Variants in HAVCR1 observed in about 807,000 individuals in gnomAD.
HAVCR1 encodes the protein T cell immunoglobin domain and mucin domain protein 1.
A neutral mutation model predicts 32.0 loss-of-function variants in HAVCR1; 34 were observed. The ratio of observed to expected loss-of-function variants is 1.06; its 90% CI spans 0.81 to 1.42. The LOEUF (loss-of-function observed/expected upper bound fraction) is 1.42, where lower values mean the gene tolerates loss of function less well. HAVCR1 is among the 40% of genes most tolerant of loss of function. The pLI is 0.00. For synonymous variants in HAVCR1, 178 were observed against 170.3 expected (o/e 1.05, Z -0.35); for missense variants, 420 against 442.3 (o/e 0.95, Z 0.45).
chr5:157,061,246 A>G (rs1248002773), upstream of HAVCR1, among the ~76,000 whole-genome samples: 1 of 152,138 alleles, frequency 6.6e-6, no homozygotes, highest in Non-Finnish European at 1.5e-5. Flanking sequence ...AGATTGCTTG[A>G]GCCCAGGAGA....
At chr5:157,062,405 T>C (rs892325218), upstream of HAVCR1, among the ~76,000 whole-genome samples, 12 of 152,110 alleles carry the variant, frequency 7.9e-5, no homozygotes, top group African/African-American at 2.4e-4. Flanking sequence ...AAGAAAATAA[T>C]TCACTGTTCT....
At chr5:157,051,335 T>A (rs1453775464) in intron 4 of HAVCR1, among the ~76,000 whole-genome samples, 1 of 152,120 alleles carries the variant, frequency 6.6e-6, no homozygotes, top group Non-Finnish European at 1.5e-5. Context: ...AATGTGTAAG[T>A]CATTGACTAC....
At chr5:157,061,473 C>T (rs1054268540), upstream of HAVCR1, among the ~76,000 whole-genome samples, 8 of 151,886 alleles carry the variant, frequency 5.3e-5, no homozygotes, top group East Asian at 1.9e-4. Flanking sequence ...CAAAGGAGGC[C>T]GAGGTGGGAG....
chr5:157,052,614 G>A lies in HAVCR1; in HGVS notation c.420C>T (p.Thr140=), dbSNP rs566987531. The change falls in exon 4 of 9, where the codon ACC becomes ACT. Residue 140 remains threonine (T), a synonymous_variant. Transcript: ENST00000523175. ...TTTPIVTTVP[T]VTTVRTSTTV... is the part of the protein sequence containing the mutation. ...TGGTGCTCGTTCGAACAGTCGTGACGGTTGGAACAGTTGTGACAATTGGAG... is the reference window on the plus strand; with the variant it reads ...TGGTGCTCGTTCGAACAGTCGTGACAGTTGGAACAGTTGTGACAATTGGAG... The A allele has an allele frequency of 1.1e-5, 18 of 1,614,088 alleles. No individual in the cohort carries two copies. Among genetic ancestry groups the A allele is most frequent in the Middle Eastern group, 1.6e-4 (1 of 6,062 alleles).
At chr5:157,065,384 C>T in the HAVCR1 span, among the ~76,000 whole-genome samples, 2 of 152,304 alleles carry the variant, frequency 1.3e-5, no homozygotes, top group African/African-American at 4.8e-5. Flanking sequence ...AAAGGAATGC[C>T]TGATGCTAAG....
At chr5:157,044,468 A>AAAGAAAGAAAGG (rs1491433468) in intron 5 of HAVCR1, among the ~76,000 whole-genome samples, 4 of 62,976 alleles carry the variant, frequency 6.4e-5, no homozygotes, top group Non-Finnish European at 8.5e-5. Context: ...AGAAAGAAAG[A>AAAGAAAGAAAGG]AAGGAAGGAA....
chr5:157,048,738 G>A (rs1340381014), intron 5 of HAVCR1, among the ~76,000 whole-genome samples: 1 of 152,130 alleles, frequency 6.6e-6, no homozygotes, highest in Non-Finnish European at 1.5e-5. Context: ...GCTGAGGCAG[G>A]AGAATGGCGT....
intron 3 of HAVCR1, among the ~76,000 whole-genome samples, chr5:157,053,780 G>T (rs893979787): frequency 6.6e-6 from 1 of 151,416 alleles, no homozygotes; most frequent in Non-Finnish European, 1.5e-5. Flanking sequence ...CGAGGCAGGA[G>T]AATTGCTTGA....
rs753130207 is a variant in HAVCR1, at chr5:157,055,204, G to A, written c.376C>T (p.Pro126Ser). The change falls in exon 3 of 9, where the codon CCA becomes TCA. Residue 126 changes from proline to serine, a missense_variant. Coordinates refer to ENST00000523175, the MANE Select transcript of HAVCR1 (RefSeq NM_001173393.3). ...GAAATATCAAAGAAAAACTTACGTG[G>A]CACAATCTCCAATGATACGGTGATT... ...MKITVSLEIV[P>S]PKVTTTPIVT... The A allele has an allele frequency of 4.1e-6, 6 of 1,477,824 alleles. No homozygotes were observed. The highest frequency in any genetic ancestry group is 5.5e-6 in the Non-Finnish European group (6 of 1,086,098). The allele number at this position is 1,477,824 out of a possible 1,614,324, so 91.5% of individuals were successfully genotyped here. A position where few individuals can be genotyped will look rare whatever the true frequency, so the allele number is the denominator to read the frequency against.
chr5:157,059,918 G>T (rs973251293), upstream of HAVCR1, among the ~76,000 whole-genome samples: 20 of 152,104 alleles, frequency 1.3e-4, no homozygotes, highest in Non-Finnish European at 5.9e-5. Flanking sequence ...GAGCCCAGCA[G>T]TTGGAGGCTA....
At chr5:157,056,982 A>G (rs10073683) in intron 2 of HAVCR1, among the ~76,000 whole-genome samples, 131,769 of 151,942 alleles carry the variant, frequency 0.87, 57,181 homozygotes, top group East Asian at 0.99. Flanking sequence ...GAGGTGGGAG[A>G]ATCACTTGAG....
chr5:157,053,428 T>C (rs1356216531), intron 3 of HAVCR1, among the ~76,000 whole-genome samples: 5 of 148,504 alleles, frequency 3.4e-5, no homozygotes, highest in Admixed American at 6.8e-5. Context: ...TGCTCACCCT[T>C]ATAAGGGAAA....
chr5:157,042,218 G>A (rs189211403), intron 6 of HAVCR1, among the ~76,000 whole-genome samples: 82 of 151,880 alleles, frequency 5.4e-4, no homozygotes, highest in Non-Finnish European at 9.3e-4. Flanking sequence ...CGAGGCGGGC[G>A]GATCATGAGG....
At chr5:157,054,636 T>C (rs941796039) in intron 3 of HAVCR1, among the ~76,000 whole-genome samples, 3 of 152,222 alleles carry the variant, frequency 2.0e-5, no homozygotes, top group Admixed American at 2.0e-4. Context: ...GTTTGAAGTA[T>C]ATTTGGACCT....
chr5:157,054,545 G>A (rs1467366270), intron 3 of HAVCR1, among the ~76,000 whole-genome samples: 1 of 152,044 alleles, frequency 6.6e-6, no homozygotes, highest in Non-Finnish European at 1.5e-5. Context: ...GTTCCTCAAG[G>A]TGAATAAATT....
In HAVCR1 at chr5:157,049,045, G is replaced by C. The variant is rs1755584930; in HGVS notation, c.774C>G (p.Tyr258Ter). ...REPTSSPLYS[Y>*]TTDGNDTVTE... ...GAAAGAGAACGCAGTTACCTGTTGT[G>C]TAAGAGTACAATGGTGAGCTGGTGG... is the stretch of plus-strand genomic sequence containing the variant. Residue 258 changes from tyrosine (Y) to a stop codon, truncating the protein, a stop_gained, in exon 5 of 9, where the codon TAC becomes TAG. Transcript: ENST00000523175. LOFTEE classifies it high-confidence loss of function. 6.4e-7 allele frequency: 1 copy of C among 1,573,524 alleles called. No homozygotes were observed. The highest frequency in any genetic ancestry group is 1.3e-5 in the African/African-American group (1 of 74,116).
intron 8 of HAVCR1, 29 bp from the exon 9 acceptor site, chr5:157,029,870 T>G: frequency 6.3e-7 from 1 of 1,596,524 alleles, no homozygotes; most frequent in South Asian, 1.1e-5. Flanking sequence ...AAGAATAACA[T>G]GAGTAAGAAA....
In HAVCR1 at chr5:157,037,235, G is replaced by T. The variant is rs41297583; in HGVS notation, c.952+12C>A. ...TCCCTTGTCCCTTAGGAACAATCTC[G>T]AAATGACTTACTTTTGGCAATGATG... On this transcript the variant is annotated intron_variant, in intron 7 of 8. Coordinates refer to ENST00000523175, the MANE Select transcript of HAVCR1 (RefSeq NM_001173393.3). 1.5e-6 allele frequency: 2 copies of T among 1,373,576 alleles called. No homozygotes were observed. Among genetic ancestry groups the T allele is most frequent in the Non-Finnish European group, 2.1e-6 (2 of 960,682 alleles). 85.1% of individuals were successfully genotyped at this position (1,373,576 alleles called of 1,614,324 possible).
Position 157,056,669 on chromosome 5 carries a change from C to T in HAVCR1, c.47-1136G>A, listed in dbSNP as rs1386145825. Among the ~76,000 whole-genome samples, 7 of 151,944 alleles carry T rather than the reference C, an allele frequency of 4.6e-5. No homozygotes were observed. In the South Asian group the frequency reaches 6.4e-4, roughly 14 times the overall value. ...TGCTGGGATTACAGGTGTGAGCCACCACGCCCGGCCACCAAGAAATTCTTG... is the reference window on the plus strand; with the variant it reads ...TGCTGGGATTACAGGTGTGAGCCACTACGCCCGGCCACCAAGAAATTCTTG... On this transcript the variant is annotated intron_variant, in intron 2 of 8. Coordinates refer to ENST00000523175, the MANE Select transcript of HAVCR1 (RefSeq NM_001173393.3).
Sources: gnomAD v4.1 joint callset for allele counts (sites outside exome capture counted in the v4.1 genomes callset) on GRCh38, gnomAD v4.1.1 for gene constraint, MANE v1.5 for transcripts, NCBI Gene and HGNC (gene_info 2026-07-23, HGNC 2026-07-21) for gene names.